The following NELL1 variants were observed in gnomAD, a reference collection of about 807,000 sequenced individuals.
NELL1 encodes the protein neural EGFL like 1.
In NELL1, 76 loss-of-function variants were observed where a neutral mutation model predicts 107.4. The observed-to-expected ratio is 0.71, with a 90% CI of 0.59 to 0.86. The LOEUF is 0.86. Ranked by LOEUF, NELL1 falls within the 40% of genes least tolerant of loss-of-function variation. NELL1 has a pLI of 0.00. For synonymous variants in NELL1, 353 were observed against 341.2 expected (o/e 1.03, Z -0.38); for missense variants, 1,024 against 1,005.5 (o/e 1.02, Z -0.25).
intron 12 of NELL1, among the ~76,000 whole-genome samples, chr11:21,005,650 G>A (rs978298871): frequency 5.3e-5 from 8 of 152,134 alleles, no homozygotes; most frequent in African/African-American, 1.7e-4. Flanking sequence ...TGCAGCCTGA[G>A]GTTAAAAGCT....
In NELL1 at chr11:21,157,115, A is replaced by G. The variant is rs1428216119; in HGVS notation, c.1426+43401A>G. ...GAGAGTCTGACTCAAAAATATGTGTATATATATACACGTACATATATATGA... is the reference window on the plus strand; with the variant it reads ...GAGAGTCTGACTCAAAAATATGTGTGTATATATACACGTACATATATATGA... On this transcript the variant is annotated intron_variant, in intron 13 of 19. Coordinates refer to ENST00000357134, the MANE Select transcript of NELL1 (RefSeq NM_006157.5). Among the ~76,000 whole-genome samples the G allele has an allele frequency of 4.0e-5, 6 of 150,530 alleles. No individual in the cohort carries two copies. In the Admixed American group the frequency reaches 4.0e-4, roughly 10 times the overall value.
chr11:21,197,533 C>T (rs1321152202), intron 13 of NELL1, among the ~76,000 whole-genome samples: 1 of 151,996 alleles, frequency 6.6e-6, no homozygotes, highest in African/African-American at 2.4e-5. Flanking sequence ...TTGGTGACAG[C>T]TTTTGACAGT....
intron 2 of NELL1, among the ~76,000 whole-genome samples, chr11:20,724,380 C>T (rs762126322): frequency 2.6e-5 from 4 of 152,310 alleles, no homozygotes; most frequent in Non-Finnish European, 4.4e-5. Context: ...ACCATCTCTT[C>T]GTGAGCATAT....
intron 4 of NELL1, among the ~76,000 whole-genome samples, chr11:20,875,455 G>T (rs1386889773): frequency 6.6e-6 from 1 of 152,186 alleles, no homozygotes; most frequent in African/African-American, 2.4e-5. Context: ...TATAGTCCCA[G>T]CTACTTGGGA....
intron 2 of NELL1, 108 bp from the exon 3 acceptor site, chr11:20,783,572 C>T (rs2280362): frequency 0.73 from 512,358 of 701,848 alleles, 192,604 homozygotes; most frequent in East Asian, 0.86. Flanking sequence ...ATCTTTTTTC[C>T]TCTTCCTTCT....
At chr11:21,315,909 G>A (rs889599889) in intron 14 of NELL1, among the ~76,000 whole-genome samples, 1 of 151,634 alleles carries the variant, frequency 6.6e-6, no homozygotes, top group Non-Finnish European at 1.5e-5. Flanking sequence ...GTGTGTGTGT[G>A]TGTGTGTGTT....
intron 15 of NELL1, among the ~76,000 whole-genome samples, chr11:21,395,707 A>G (rs943725845): frequency 6.6e-6 from 1 of 151,540 alleles, no homozygotes; most frequent in Non-Finnish European, 1.5e-5. Flanking sequence ...TATGCCACAG[A>G]GTGTAGAACC....
intron 5 of NELL1, among the ~76,000 whole-genome samples, chr11:20,891,615 T>G (rs1397810851): frequency 1.3e-5 from 2 of 151,906 alleles, no homozygotes; most frequent in African/African-American, 2.4e-5. Context: ...ATTCAGGAGA[T>G]CCATCTTACA....
In NELL1 at chr11:21,168,735, GT is replaced by G. The variant is rs961142179; in HGVS notation, c.1426+55029del. 9.9e-5 allele frequency among the ~76,000 whole-genome samples: 15 copies of G among 151,830 alleles called. 1 individual carries two copies. The highest frequency in any genetic ancestry group is 3.4e-4 in the African/African-American group (14 of 41,214). ...ACCTATGGCCAGTTAAAGCTCATAAGTTTTTTTTCCCCCAGGTGCTGTTGTT... is the reference window on the plus strand; with the variant it reads ...ACCTATGGCCAGTTAAAGCTCATAAGTTTTTTTCCCCCAGGTGCTGTTGTT... On this transcript the variant is annotated intron_variant, in intron 13 of 19. Transcript: ENST00000357134.
chr11:21,470,293 G>A (rs925995804), intron 15 of NELL1, among the ~76,000 whole-genome samples: 2 of 151,994 alleles, frequency 1.3e-5, no homozygotes, highest in East Asian at 1.9e-4. Context: ...CCTTTGCTTA[G>A]ACTCGAGAGA....
At chr11:21,026,653 A>T (rs1852821408) in intron 12 of NELL1, among the ~76,000 whole-genome samples, 1 of 152,136 alleles carries the variant, frequency 6.6e-6, no homozygotes, top group Non-Finnish European at 1.5e-5. Context: ...CTATGCACTC[A>T]TTCAGTGTTT....
At chr11:21,141,682 C>G (rs999678689) in intron 13 of NELL1, among the ~76,000 whole-genome samples, 1 of 152,142 alleles carries the variant, frequency 6.6e-6, no homozygotes, top group Non-Finnish European at 1.5e-5. Context: ...ACTTCAAGCA[C>G]TTAGGAACGC....
Position 21,136,159 on chromosome 11 carries a change from G to A in NELL1, c.1426+22445G>A, listed in dbSNP as rs115240132. Among the ~76,000 whole-genome samples, 826 of 152,254 alleles carry A rather than the reference G, an allele frequency of 5.4e-3. 6 individuals carry two copies. Among genetic ancestry groups the A allele is most frequent in the African/African-American group, 0.019 (779 of 41,548 alleles). ...TATTTGAGTGAAAATCTGAATAAGGGGATAGTATGAGCCCTGAAAAGTTCT... is the reference window on the plus strand; with the variant it reads ...TATTTGAGTGAAAATCTGAATAAGGAGATAGTATGAGCCCTGAAAAGTTCT... On this transcript the variant is annotated intron_variant, in intron 13 of 19. Coordinates refer to ENST00000357134, the MANE Select transcript of NELL1 (RefSeq NM_006157.5).
intron 2 of NELL1, chr11:20,769,360 A>T (rs761734101): frequency 7.9e-5 from 12 of 152,312 alleles, no homozygotes; most frequent in Non-Finnish European, 1.8e-4. Flanking sequence ...TTTCAAAAGG[A>T]GGCAGAGCAC....
intron 5 of NELL1, among the ~76,000 whole-genome samples, chr11:20,899,397 T>G (rs929976372): frequency 1.3e-5 from 2 of 152,096 alleles, no homozygotes; most frequent in Non-Finnish European, 2.9e-5. Context: ...AACTAATCAG[T>G]CTGGGGGAAA....
chr11:21,089,733 C>T (rs968108170), intron 12 of NELL1, among the ~76,000 whole-genome samples: 1 of 152,068 alleles, frequency 6.6e-6, no homozygotes, highest in Non-Finnish European at 1.5e-5. Context: ...CTATAGGGTG[C>T]GATTTTAGGA....
chr11:21,076,408 A>G (rs767133333), intron 12 of NELL1, among the ~76,000 whole-genome samples: 1 of 152,208 alleles, frequency 6.6e-6, no homozygotes, highest in Non-Finnish European at 1.5e-5. Flanking sequence ...AGGCTGATGG[A>G]GAAAGTGACC....
At chr11:21,349,196 C>T (rs1422578848) in intron 14 of NELL1, among the ~76,000 whole-genome samples, 1 of 152,104 alleles carries the variant, frequency 6.6e-6, no homozygotes, top group Admixed American at 6.6e-5. Context: ...TTTAAGGCAA[C>T]TGGTATATGT....
chr11:20,680,941 A>G (rs899015103), intron 2 of NELL1, among the ~76,000 whole-genome samples: 1 of 152,126 alleles, frequency 6.6e-6, no homozygotes, highest in African/African-American at 2.4e-5. Context: ...CAGCTTATCC[A>G]CAGATCTGTC....
Sources: gnomAD v4.1 joint callset for allele counts (sites outside exome capture counted in the v4.1 genomes callset) on GRCh38, gnomAD v4.1.1 for gene constraint, MANE v1.5 for transcripts, NCBI Gene and HGNC (gene_info 2026-07-23, HGNC 2026-07-21) for gene names.